GNG2: variants seen among roughly 807,000 people sequenced by gnomAD.
GNG2 encodes the protein G protein subunit gamma 2.
Under a neutral mutation model 5.5 loss-of-function variants are expected in GNG2, and 5 were observed. That is an observed-to-expected ratio of 0.91 (90% confidence interval 0.48 to 1.92). GNG2 has a LOEUF of 1.92. Ranked by LOEUF, GNG2 falls within the 30% of genes most tolerant of loss-of-function variation. The pLI is 0.01. For synonymous variants in GNG2, 28 were observed against 32.0 expected (o/e 0.88, Z 0.42); for missense variants, 55 against 88.4 (o/e 0.62, Z 1.52).
chr14:51,901,541 C>T (rs1885557622), intron 2 of GNG2, among the ~76,000 whole-genome samples: 1 of 152,062 alleles, frequency 6.6e-6, no homozygotes, highest in Non-Finnish European at 1.5e-5. Flanking sequence ...ATCATGCCAC[C>T]CATCAGTGAC....
At chr14:51,945,163 A>G (rs756485582) in intron 2 of GNG2, among the ~76,000 whole-genome samples, 1 of 151,944 alleles carries the variant, frequency 6.6e-6, no homozygotes, top group Non-Finnish European at 1.5e-5. Context: ...AAGTGTTACC[A>G]TATGATCCAG....
intron 2 of GNG2, chr14:51,912,975 T>C (rs1047356106): frequency 4.6e-5 from 7 of 152,142 alleles, no homozygotes; most frequent in East Asian, 1.9e-4. Flanking sequence ...AATTAATTAA[T>C]TGAACCTGTA....
Position 51,950,700 on chromosome 14 carries a change from A to G in GNG2, c.22A>G (p.Ser8Gly). 6.2e-7 allele frequency: 1 copy of G among 1,612,286 alleles called. No homozygotes were observed. The highest frequency in any genetic ancestry group is 8.5e-7 in the Non-Finnish European group (1 of 1,179,242). The change falls in exon 3 of 4, where the codon AGC (serine) becomes GGC (glycine). Residue 8 changes from serine (S) to glycine (G), a missense_variant. Transcript: ENST00000556766. MASNNTA[S>G]IAQARKLVEQ... ...TCCGATGGCCAGCAACAACACCGCC[A>G]GCATAGCACAAGCCAGGAAGCTGGT...
intron 1 of GNG2, among the ~76,000 whole-genome samples, chr14:51,875,709 T>C (rs942524328): frequency 6.6e-6 from 1 of 150,754 alleles, no homozygotes; most frequent in African/African-American, 2.4e-5. Flanking sequence ...AAATATATAT[T>C]AGAAAAAACA....
intron 1 of GNG2, among the ~76,000 whole-genome samples, chr14:51,872,907 G>A (rs1156744053): frequency 1.3e-5 from 2 of 151,994 alleles, no homozygotes; most frequent in Non-Finnish European, 2.9e-5. Flanking sequence ...CTTTACATGT[G>A]GTCATGTACC....
intron 2 of GNG2, among the ~76,000 whole-genome samples, chr14:51,904,117 C>A (rs944386864): frequency 6.6e-6 from 1 of 152,118 alleles, no homozygotes; most frequent in African/African-American, 2.4e-5. Flanking sequence ...TAAGAAGGTA[C>A]CTCGCCTGCC....
chr14:51,939,425 A>G (rs1366681691), intron 2 of GNG2, among the ~76,000 whole-genome samples: 1 of 152,196 alleles, frequency 6.6e-6, no homozygotes, highest in Non-Finnish European at 1.5e-5. Context: ...TGTAAAGTTA[A>G]TGTTTTCAAA....
rs575854815 is a variant in GNG2, at chr14:51,876,327, T to C, written c.-70-1290T>C. Among the ~76,000 whole-genome samples, 413 of 152,350 alleles carry C rather than the reference T, an allele frequency of 2.7e-3. 3 individuals are homozygous for C. Among genetic ancestry groups the C allele is most frequent in the Admixed American group, 4.4e-3 (68 of 15,304 alleles). ...TAGGTTGAATTATTGATATTTAGGC[T>C]ATTTCTTAACACCTTGATAATTCTT... is the stretch of plus-strand genomic sequence containing the variant. On this transcript the variant is annotated intron_variant, in intron 1 of 3. Transcript: ENST00000556766.
chr14:51,918,275 C>T (rs562076135), intron 2 of GNG2, among the ~76,000 whole-genome samples: 25 of 152,252 alleles, frequency 1.6e-4, no homozygotes, highest in Admixed American at 1.2e-3. Context: ...GCACTGTCTC[C>T]ACTCTGCAAA....
intron 2 of GNG2, among the ~76,000 whole-genome samples, chr14:51,835,251 AG>A (rs1471799528): frequency 6.6e-6 from 1 of 152,248 alleles, no homozygotes; most frequent in Admixed American, 6.5e-5. Flanking sequence ...AGAGGCATAA[AG>A]GGCCAGAAAG....
intron 2 of GNG2, among the ~76,000 whole-genome samples, chr14:51,942,589 C>CTTTTTTTTTTTTT (rs56883654): frequency 3.7e-5 from 3 of 81,126 alleles, no homozygotes; most frequent in African/African-American, 1.2e-4. Context: ...TTCTTTCTTT[C>CTTTTTTTTTTTTT]TTTTTTTTTT....
At chr14:51,851,739 T>C (rs2140088100) in intron 2 of GNG2, among the ~76,000 whole-genome samples, 1 of 152,334 alleles carries the variant, frequency 6.6e-6, no homozygotes, top group African/African-American at 2.4e-5. Flanking sequence ...TCTGAACACT[T>C]TAATTTCTTC....
At chr14:51,915,843 T>C (rs1886588497) in intron 2 of GNG2, among the ~76,000 whole-genome samples, 1 of 152,224 alleles carries the variant, frequency 6.6e-6, no homozygotes, top group Non-Finnish European at 1.5e-5. Context: ...CTGTACTCTG[T>C]TCCCAGACAA....
chr14:51,937,585 G>A (rs1021474348), intron 2 of GNG2, among the ~76,000 whole-genome samples: 10 of 151,450 alleles, frequency 6.6e-5, no homozygotes, highest in East Asian at 3.9e-4. Flanking sequence ...TCAGTTTTCC[G>A]AAAATGGCTA....
upstream of GNG2, among the ~76,000 whole-genome samples, chr14:51,856,593 C>G (rs1014312765): frequency 5.3e-5 from 8 of 152,024 alleles, no homozygotes; most frequent in Admixed American, 3.9e-4. Flanking sequence ...CCACTACACC[C>G]GGCTTATTTT....
chr14:51,960,110 G>A (rs984311919), intron 3 of GNG2, among the ~76,000 whole-genome samples: 3 of 151,540 alleles, frequency 2.0e-5, no homozygotes, highest in African/African-American at 4.8e-5. Flanking sequence ...TGCTTCTTTA[G>A]GGACTCCAAT....
intron 2 of GNG2, among the ~76,000 whole-genome samples, chr14:51,945,520 G>C (rs1212714451): frequency 1.5e-5 from 1 of 66,158 alleles, no homozygotes; most frequent in Non-Finnish European, 3.9e-5. Flanking sequence ...GTGGCTGCCA[G>C]GGGTTGAGGG....
At position 51,878,521 on chromosome 14, in the gene GNG2, A is replaced by G. The variant is rs190617492; in HGVS notation, c.-30+864A>G. 3.3e-5 allele frequency among the ~76,000 whole-genome samples: 5 copies of G among 152,224 alleles called. No individual in the cohort carries two copies. The East Asian group carries it at 9.6e-4, about 29-fold the overall frequency. On this transcript the variant is annotated intron_variant, in intron 2 of 3. Transcript: ENST00000556766. ...GTTTATTTACATAACTGTTTAGGGG[A>G]TACAGCAAATGCTAAAAAAAAATAA...
intron 3 of GNG2, among the ~76,000 whole-genome samples, chr14:51,963,406 A>C (rs1320207509): frequency 6.6e-6 from 1 of 152,212 alleles, no homozygotes; most frequent in African/African-American, 2.4e-5. Flanking sequence ...AATGAGTTTT[A>C]GATATCACTG....
Sources: allele counts gnomAD v4.1 joint callset (sites outside exome capture counted in the v4.1 genomes callset), GRCh38; gene constraint gnomAD v4.1.1; transcripts MANE v1.5; gene names NCBI Gene and HGNC (gene_info 2026-07-23, HGNC 2026-07-21).